ANK2: variants seen among roughly 807,000 people sequenced by gnomAD.
ANK2 encodes ankyrin 2.
A neutral mutation model predicts 360.5 loss-of-function variants in ANK2; 83 were observed. The ratio of observed to expected loss-of-function variants is 0.23; its 90% confidence interval spans 0.19 to 0.28. The LOEUF (loss-of-function observed/expected upper bound fraction) is 0.28. Ranked by LOEUF, ANK2 falls within the 10% of genes least tolerant of loss-of-function variation. The pLI is 1.00. For missense variants in ANK2, 4,201 were observed against 4,795.7 expected (o/e 0.88, Z 3.66); for synonymous variants, 1,740 against 1,759.5 (o/e 0.99, Z 0.28).
intron 16 of ANK2, 42 bp from the exon 17 acceptor site, chr4:113,278,418 C>T (rs2061039005): frequency 6.3e-7 from 1 of 1,577,810 alleles, no homozygotes; most frequent in Non-Finnish European, 8.7e-7. Context: ...GGGCAGCTAA[C>T]CCTAATTTAT....
intron 2 of ANK2, among the ~76,000 whole-genome samples, chr4:112,944,728 GA>G (rs1477330731): frequency 4.6e-5 from 7 of 152,178 alleles, no homozygotes; most frequent in African/African-American, 1.7e-4. Flanking sequence ...TGTTTGCAAT[GA>G]AGAGAGCTGA....
chr4:112,790,820 G>A, the ANK2 span, among the ~76,000 whole-genome samples: 3 of 152,168 alleles, frequency 2.0e-5, no homozygotes, highest in Middle Eastern at 3.4e-3. Flanking sequence ...TTCAAAGGTG[G>A]GGAGAAATAA....
chr4:112,974,506 A>G, intron 2 of ANK2, among the ~76,000 whole-genome samples: 1 of 152,224 alleles, frequency 6.6e-6, no homozygotes, highest in East Asian at 1.9e-4. Flanking sequence ...GGGAAAATGA[A>G]GTAAAAGGAA....
At chr4:113,181,804 G>C (rs889772186) in intron 2 of ANK2, among the ~76,000 whole-genome samples, 1 of 152,186 alleles carries the variant, frequency 6.6e-6, no homozygotes. Context: ...CCTGCCTGGA[G>C]TAGAATGAGG....
At chr4:112,726,158 C>T in the ANK2 span, among the ~76,000 whole-genome samples, 2 of 151,964 alleles carry the variant, frequency 1.3e-5, no homozygotes, top group African/African-American at 4.8e-5. Context: ...AAAAGTGGAA[C>T]CAGTTTGGTG....
intron 2 of ANK2, among the ~76,000 whole-genome samples, chr4:112,988,761 G>A (rs1407165131): frequency 1.3e-5 from 2 of 152,138 alleles, no homozygotes; most frequent in Non-Finnish European, 2.9e-5. Context: ...TAGGTAATTG[G>A]AAAAGGTAAT....
chr4:113,086,908 A>G (rs933307060), intron 1 of ANK2, among the ~76,000 whole-genome samples: 5 of 152,154 alleles, frequency 3.3e-5, no homozygotes, highest in Admixed American at 6.5e-5. Context: ...GTAGGGAGCA[A>G]GAAAGAGTGG....
chr4:112,924,369 G>GAA (rs1246498426), intron 2 of ANK2, among the ~76,000 whole-genome samples: 1 of 120,232 alleles, frequency 8.3e-6, no homozygotes, highest in Admixed American at 8.9e-5. Context: ...CTTCATCTCA[G>GAA]AAAAAAAAAA....
chr4:112,987,623 T>A (rs2045378843), intron 2 of ANK2, among the ~76,000 whole-genome samples: 1 of 152,004 alleles, frequency 6.6e-6, no homozygotes, highest in South Asian at 2.1e-4. Flanking sequence ...ACAGGATTAC[T>A]TGGCTCTGTG....
At chr4:113,315,603 G>C (rs1051857785) in intron 24 of ANK2, among the ~76,000 whole-genome samples, 1 of 152,092 alleles carries the variant, frequency 6.6e-6, no homozygotes, top group African/African-American at 2.4e-5. Context: ...TAGAATTTAA[G>C]AGTTGCTGAT....
chr4:113,000,314 C>T (rs1435904716), intron 2 of ANK2, among the ~76,000 whole-genome samples: 5 of 152,214 alleles, frequency 3.3e-5, no homozygotes, highest in Non-Finnish European at 7.3e-5. Context: ...TGGACACCTT[C>T]ATTCACGAAG....
upstream of ANK2, among the ~76,000 whole-genome samples, chr4:112,814,619 T>C (rs1372402914): frequency 1.3e-5 from 2 of 152,102 alleles, no homozygotes; most frequent in African/African-American, 2.4e-5. Context: ...GGCTAATTTT[T>C]AAATTTTTTT....
rs575331953 is a variant in ANK2 at position 113,179,919 on chromosome 4, A to G, written c.186+5402A>G. Among the ~76,000 whole-genome samples, 40 of 152,368 alleles carry G rather than the reference A, an allele frequency of 2.6e-4. 1 individual carries two copies. In the South Asian group the frequency reaches 8.3e-3, roughly 32 times the overall value. On this transcript the variant is annotated intron_variant, in intron 2 of 45. Transcript: ENST00000357077. ...TCAAAATGAAAGACTATCACTTAGC[A>G]TTTATTTAATACAATCCTGGATATG...
intron 2 of ANK2, among the ~76,000 whole-genome samples, chr4:113,032,902 G>A (rs1561619410): frequency 6.6e-6 from 1 of 151,968 alleles, no homozygotes. Flanking sequence ...GGAAAGCATA[G>A]AGTTTTTCTA....
chr4:112,877,758 G>A (rs1468291658), intron 1 of ANK2, among the ~76,000 whole-genome samples: 1 of 152,006 alleles, frequency 6.6e-6, no homozygotes, highest in African/African-American at 2.4e-5. Flanking sequence ...TTTACTTACT[G>A]AACTCCCATT....
intron 2 of ANK2, among the ~76,000 whole-genome samples, chr4:113,008,386 A>T (rs1234805628): frequency 6.6e-6 from 1 of 151,892 alleles, no homozygotes; most frequent in Non-Finnish European, 1.5e-5. Context: ...TAGAAATGTT[A>T]TTTTAGTTTT....
chr4:112,747,948 A>G, the ANK2 span, among the ~76,000 whole-genome samples: 2 of 152,170 alleles, frequency 1.3e-5, no homozygotes, highest in Non-Finnish European at 1.5e-5. Flanking sequence ...ATGTCATCAG[A>G]TGTATATTTA....
intron 4 of ANK2, among the ~76,000 whole-genome samples, chr4:113,208,127 T>C (rs905880868): frequency 3.3e-5 from 5 of 150,404 alleles, no homozygotes; most frequent in African/African-American, 1.3e-4. Context: ...AAGCCCAATA[T>C]GAAGCTGGCT....
At chr4:112,858,473 T>C (rs2067000181) in intron 1 of ANK2, among the ~76,000 whole-genome samples, 1 of 152,182 alleles carries the variant, frequency 6.6e-6, no homozygotes, top group Non-Finnish European at 1.5e-5. Context: ...AAGGTATCTG[T>C]AGTGAGAGAA....
Sources: allele counts gnomAD v4.1 joint callset (sites outside exome capture counted in the v4.1 genomes callset), GRCh38; gene constraint gnomAD v4.1.1; transcripts MANE v1.5; gene names NCBI Gene and HGNC (gene_info 2026-07-23, HGNC 2026-07-21).